SYNDIG1L: variants seen among roughly 807,000 people sequenced by gnomAD.
SYNDIG1L encodes synapse differentiation inducing 1 like, also known as synapse differentiation-inducing gene protein 1-like.
SYNDIG1L carries 13 observed loss-of-function variants against 20.1 expected under a neutral mutation model. That is an observed-to-expected ratio of 0.65 (90% CI 0.42 to 1.03). The LOEUF (loss-of-function observed/expected upper bound fraction) is 1.03. Among genes scored for constraint, SYNDIG1L ranks in the 50% least tolerant of loss-of-function variants. The pLI, the probability that SYNDIG1L is intolerant of heterozygous loss-of-function variation, is 0.00. For missense variants in SYNDIG1L, 294 were observed against 305.1 expected (o/e 0.96, Z 0.27); for synonymous variants, 128 against 129.3 (o/e 0.99, Z 0.07).
chr14:74,434,798 C>T, the SYNDIG1L span, among the ~76,000 whole-genome samples: 1 of 151,452 alleles, frequency 6.6e-6, no homozygotes, highest in Non-Finnish European at 1.5e-5. Context: ...GGGAAGCTGG[C>T]AGGCTGGGCG....
intron 1 of SYNDIG1L, among the ~76,000 whole-genome samples, chr14:74,416,276 A>G (rs2086173907): frequency 6.6e-6 from 1 of 152,208 alleles, no homozygotes; most frequent in East Asian, 1.9e-4. Context: ...TTCACAAAAC[A>G]AATTGAATTG....
chr14:74,422,681 A>ACACACACACACACACACT (rs59680480), intron 1 of SYNDIG1L, among the ~76,000 whole-genome samples: 1 of 146,178 alleles, frequency 6.8e-6, no homozygotes, highest in Non-Finnish European at 1.5e-5. Flanking sequence ...ACACACACAC[A>ACACACACACACACACACT]ATTTCTCTTT....
At chr14:74,473,317 G>A in the SYNDIG1L span, among the ~76,000 whole-genome samples, 10 of 152,082 alleles carry the variant, frequency 6.6e-5, no homozygotes, top group Admixed American at 2.0e-4. Flanking sequence ...CTCGGAAGGC[G>A]GAGGTTGCAG....
chr14:74,432,140 G>GGTGTGTGTGTGTGTGT, the SYNDIG1L span, among the ~76,000 whole-genome samples: 3 of 121,012 alleles, frequency 2.5e-5, no homozygotes, highest in South Asian at 3.2e-4. Flanking sequence ...TGCCTTGGAA[G>GGTGTGTGTGTGTGTGT]GTGTGTGTGT....
chr14:74,476,979 G>A, the SYNDIG1L span, among the ~76,000 whole-genome samples: 1 of 150,374 alleles, frequency 6.7e-6, no homozygotes, highest in East Asian at 2.0e-4. Context: ...CATCTGTGGA[G>A]ATCCAGAGCC....
the SYNDIG1L span, among the ~76,000 whole-genome samples, chr14:74,460,610 T>C: frequency 6.6e-6 from 1 of 152,172 alleles, no homozygotes; most frequent in Non-Finnish European, 1.5e-5. Flanking sequence ...CCCTTCCTGT[T>C]TTCCCTTCCA....
chr14:74,409,215 A>G, intron 2 of SYNDIG1L, 113 bp downstream of exon 2: 2 of 762,436 alleles, frequency 2.6e-6, no homozygotes, highest in Non-Finnish European at 4.0e-6. Flanking sequence ...ATTAGCTGGG[A>G]CCACAGGCAC....
chr14:74,439,063 G>A, the SYNDIG1L span, among the ~76,000 whole-genome samples: 9 of 149,134 alleles, frequency 6.0e-5, no homozygotes, highest in Non-Finnish European at 1.2e-4. Context: ...GCAGTGAGCC[G>A]AGATTGTGCC....
At chr14:74,428,009 A>G (rs900027485), upstream of SYNDIG1L, among the ~76,000 whole-genome samples, 3 of 152,248 alleles carry the variant, frequency 2.0e-5, no homozygotes, top group Admixed American at 2.0e-4. Flanking sequence ...CCGCATATAA[A>G]TTCTAAATAC....
chr14:74,452,228 A>G, the SYNDIG1L span, among the ~76,000 whole-genome samples: 1 of 152,174 alleles, frequency 6.6e-6, no homozygotes, highest in African/African-American at 2.4e-5. Context: ...TGACCATACC[A>G]AGTACTGACA....
rs754120346 is a variant in SYNDIG1L, at chr14:74,407,825, G to T, written c.558+24C>A. 8 of 1,603,664 alleles carry T rather than the reference G, an allele frequency of 5.0e-6. No individual in the cohort carries two copies. In the African/African-American group the frequency reaches 5.4e-5, roughly 11 times the overall value. ...CAGTAGAGTGACGGGCCAGAGAAGG[G>T]ACCTGGGCCCCAGGTGCTCTTACCC... On this transcript the variant is annotated intron_variant, in intron 3 of 3. Transcript: ENST00000331628.
chr14:74,450,248 C>G, the SYNDIG1L span, among the ~76,000 whole-genome samples: 4 of 152,068 alleles, frequency 2.6e-5, no homozygotes, highest in Non-Finnish European at 5.9e-5. Context: ...AAAGAAGACT[C>G]CAGGCCCAGA....
chr14:74,419,876 G>T (rs2139629303), intron 1 of SYNDIG1L, among the ~76,000 whole-genome samples: 1 of 152,260 alleles, frequency 6.6e-6, no homozygotes, highest in Admixed American at 6.5e-5. Context: ...TAGTGATATA[G>T]AGGGGAAGCC....
the SYNDIG1L span, among the ~76,000 whole-genome samples, chr14:74,450,677 T>C: frequency 3.0e-4 from 45 of 152,302 alleles, no homozygotes; most frequent in African/African-American, 1.0e-3. Flanking sequence ...TCCAGACATT[T>C]ATTGTAAAGA....
At chr14:74,451,984 TAAAAA>T in the SYNDIG1L span, among the ~76,000 whole-genome samples, 96 of 65,280 alleles carry the variant, frequency 1.5e-3, no homozygotes, top group African/African-American at 6.1e-3. Flanking sequence ...AGACTTTGTC[TAAAAA>T]AAAAAAAAAA....
intron 1 of SYNDIG1L, among the ~76,000 whole-genome samples, chr14:74,419,726 G>A (rs1251478838): frequency 6.6e-6 from 1 of 152,190 alleles, no homozygotes; most frequent in African/African-American, 2.4e-5. Context: ...CAGTGAAGGT[G>A]ATGGTGAGAA....
intron 1 of SYNDIG1L, among the ~76,000 whole-genome samples, chr14:74,414,847 A>G (rs927325604): frequency 1.3e-5 from 2 of 152,172 alleles, no homozygotes; most frequent in African/African-American, 2.4e-5. Context: ...CAAACCGCCA[A>G]TAACAGCTAG....
At chr14:74,460,699 G>A in the SYNDIG1L span, among the ~76,000 whole-genome samples, 42 of 152,010 alleles carry the variant, frequency 2.8e-4, 1 homozygote, top group Admixed American at 2.6e-3. Flanking sequence ...GCAGTGGTGT[G>A]GTCTCGGCTC....
the SYNDIG1L span, among the ~76,000 whole-genome samples, chr14:74,441,928 G>A: frequency 1.3e-5 from 2 of 152,150 alleles, no homozygotes; most frequent in Non-Finnish European, 1.5e-5. Context: ...AGTAGGTCTG[G>A]TTTTGGTGTT....
Sources: allele counts gnomAD v4.1 joint callset (sites outside exome capture counted in the v4.1 genomes callset), GRCh38; gene constraint gnomAD v4.1.1; transcripts MANE v1.5; gene names NCBI Gene and HGNC (gene_info 2026-07-23, HGNC 2026-07-21).